MAOB: variants seen among roughly 807,000 people sequenced by gnomAD.
MAOB encodes the protein amine oxidase [flavin-containing] B.
MAOB carries 15 observed loss-of-function variants against 41.9 expected under a neutral mutation model. The ratio of observed to expected loss-of-function variants is 0.36; its 90% CI spans 0.24 to 0.55. MAOB has a LOEUF of 0.55. Among genes scored for constraint, MAOB ranks in the 20% least tolerant of loss-of-function variants. The probability of loss-of-function intolerance (pLI) is 0.86; values close to 1 mark genes in which losing one functional copy is unlikely to be tolerated. For missense variants in MAOB, 345 were observed against 398.7 expected, an observed-to-expected ratio of 0.87 and a Z score of 1.15; for synonymous variants, 167 against 144.2, an observed-to-expected ratio of 1.16 and a Z score of -1.13.
At chrX:43,820,743 C>A (rs780591688) in intron 3 of MAOB, among the ~76,000 whole-genome samples, 1 of 112,034 alleles carries the variant, frequency 8.9e-6, no homozygotes, top group South Asian at 3.7e-4. Flanking sequence ...AGAATAGAAC[C>A]AATGCCATGA....
chrX:43,815,810 C>A (rs958964990), intron 3 of MAOB, among the ~76,000 whole-genome samples: 1 of 111,784 alleles, frequency 8.9e-6, no homozygotes, highest in Non-Finnish European at 1.9e-5. Flanking sequence ...ACTGGCAGTA[C>A]CTACTAAAGC....
intron 3 of MAOB, among the ~76,000 whole-genome samples, chrX:43,822,105 T>C (rs369394276): frequency 8.9e-6 from 1 of 112,275 alleles, no homozygotes; most frequent in African/African-American, 3.2e-5. Context: ...CTCTTCTCCA[T>C]TGAATAACTC....
chrX:43,862,907 C>T (rs766455360), intron 1 of MAOB, among the ~76,000 whole-genome samples: 3 of 111,420 alleles, frequency 2.7e-5, no homozygotes, highest in Non-Finnish European at 3.8e-5. Context: ...GAATAAGAGA[C>T]ACAAGAAAAA....
chrX:43,788,815 AT>A (rs1241378164), intron 8 of MAOB, among the ~76,000 whole-genome samples: 3 of 111,444 alleles, frequency 2.7e-5, no homozygotes, highest in East Asian at 5.6e-4. Context: ...TTAAAGTTAT[AT>A]TTGTATAAAA....
rs781299154 is a variant in MAOB, at chrX:43,838,895, C to T, written c.252G>A (p.Glu84=). 4.1e-6 allele frequency: 5 copies of T among 1,204,969 alleles called. No homozygotes were observed. The South Asian group carries it at 7.3e-5, about 18-fold the overall frequency. Residue 84 remains glutamate, a synonymous_variant, in exon 3 of 15, where the codon GAG becomes GAA. Coordinates refer to ENST00000378069, the MANE Select transcript of MAOB (RefSeq NM_000898.5). ...TTACATGGTGGATCAGACGCTCAAC[C>T]TCATTCACTTTGTAGGTCTCCAATC... is the stretch of plus-strand genomic sequence containing the variant. ...ELGLETYKVN[E]VERLIHHVKG... is the part of the protein sequence containing the mutation.
rs73472076 is a variant in MAOB, at chrX:43,796,034, G to C, written c.619-146C>G. ...AGTGGCTTTCACCATGGTTTTCTAA[G>C]TAGGAATTGCTGTCTTTGGACAAAG... is the stretch of plus-strand genomic sequence containing the variant. On this transcript the variant is annotated intron_variant, in intron 6 of 14. Coordinates refer to ENST00000378069, the MANE Select transcript of MAOB (RefSeq NM_000898.5). The C allele has an allele frequency of 8.1e-3, 4,826 of 599,278 alleles. 189 individuals carry two copies. The African/African-American group carries it at 0.098, about 12-fold the overall frequency. 49.4% of individuals were successfully genotyped at this position (599,278 alleles called of 1,213,427 possible).
intron 8 of MAOB, among the ~76,000 whole-genome samples, chrX:43,786,681 C>T (rs781728351): frequency 6.3e-5 from 7 of 111,925 alleles, no homozygotes; most frequent in East Asian, 2.8e-4. Context: ...GATCAAAGAA[C>T]GTGTGCATAC....
intron 3 of MAOB, among the ~76,000 whole-genome samples, chrX:43,811,633 C>T (rs2034748584): frequency 8.9e-6 from 1 of 111,954 alleles, no homozygotes; most frequent in Admixed American, 9.5e-5. Flanking sequence ...AAATGGTTGT[C>T]TTCTTCTGTT....
intron 1 of MAOB, among the ~76,000 whole-genome samples, chrX:43,873,857 A>G (rs2035424027): frequency 9.0e-6 from 1 of 110,927 alleles, no homozygotes; most frequent in Non-Finnish European, 1.9e-5. Flanking sequence ...TTGTATTTTT[A>G]GTAGAGACAG....
At position 43,882,238 on chromosome X, in the gene MAOB, C is replaced by T; in HGVS notation, c.46+16G>A. On this transcript the variant is annotated intron_variant, in intron 1 of 14. Transcript: ENST00000378069. ...GAGCGCGTGAAGAGGAAGGAGGGCG[C>T]ACAGCCGCGACTAACCTGAGATGCC... 8.3e-7 allele frequency: 1 copy of T among 1,209,000 alleles called. No homozygotes were observed. Among genetic ancestry groups the T allele is most frequent in the Non-Finnish European group, 1.1e-6 (1 of 894,413 alleles).
At chrX:43,867,277 G>A (rs1292275521) in intron 1 of MAOB, among the ~76,000 whole-genome samples, 1 of 112,020 alleles carries the variant, frequency 8.9e-6, no homozygotes, top group African/African-American at 3.2e-5. Context: ...GAAGGGAGCT[G>A]GCAAAGGAGA....
intron 2 of MAOB, among the ~76,000 whole-genome samples, chrX:43,839,659 T>G (rs1161475200): frequency 8.9e-6 from 1 of 112,052 alleles, no homozygotes; most frequent in African/African-American, 3.2e-5. Context: ...GCGTATTTTT[T>G]GTCTAGCTTT....
At chrX:43,816,357 A>C (rs1307551644) in intron 3 of MAOB, among the ~76,000 whole-genome samples, 1 of 111,960 alleles carries the variant, frequency 8.9e-6, no homozygotes, top group Non-Finnish European at 1.9e-5. Flanking sequence ...ATCAACAAAA[A>C]TTTACATACT....
At chrX:43,813,911 G>T (rs917581790) in intron 3 of MAOB, among the ~76,000 whole-genome samples, 1 of 111,340 alleles carries the variant, frequency 9.0e-6, no homozygotes, top group Non-Finnish European at 1.9e-5. Context: ...GGTGAAAAGT[G>T]CTGTGAAGAC....
At chrX:43,844,556 C>T (rs1437450058) in intron 1 of MAOB, 1 of 111,959 alleles carries the variant, frequency 8.9e-6, no homozygotes, top group Non-Finnish European at 1.9e-5. Flanking sequence ...AGGGTGTTTC[C>T]AGAAGAAACT....
At chrX:43,803,792 T>C (rs1333809217) in intron 3 of MAOB, among the ~76,000 whole-genome samples, 2 of 111,446 alleles carry the variant, frequency 1.8e-5, no homozygotes, top group Non-Finnish European at 3.8e-5. Context: ...ATTATAACTA[T>C]AAGCATTATA....
rs939210682 is a variant in MAOB at position 43,835,976 on chromosome X, C to A, written c.279+2892G>T. Among the ~76,000 whole-genome samples, 4 of 111,702 alleles carry A rather than the reference C, an allele frequency of 3.6e-5. No individual in the cohort carries two copies. In the East Asian group the frequency reaches 1.1e-3, roughly 31 times the overall value. On this transcript the variant is annotated intron_variant, in intron 3 of 14. Transcript: ENST00000378069. ...CAGATTCTTTGATAGCAGGATCTGA[C>A]AATATGGCAAGTAGCATACTTGATA...
chrX:43,873,556 A>G (rs1024027755), intron 1 of MAOB, among the ~76,000 whole-genome samples: 1 of 111,852 alleles, frequency 8.9e-6, no homozygotes, highest in African/African-American at 3.3e-5. Context: ...TTAAGATGCC[A>G]TTAAATGGAG....
At chrX:43,857,992 C>T (rs759147380) in intron 1 of MAOB, among the ~76,000 whole-genome samples, 1 of 111,794 alleles carries the variant, frequency 8.9e-6, no homozygotes, top group East Asian at 2.8e-4. Flanking sequence ...CTGATCTAAG[C>T]TACCATCTAG....
Sources: allele counts gnomAD v4.1 joint callset (sites outside exome capture counted in the v4.1 genomes callset), GRCh38; gene constraint gnomAD v4.1.1; transcripts MANE v1.5; gene names NCBI Gene and HGNC (gene_info 2026-07-23, HGNC 2026-07-21).